The following OPCML variants were observed in gnomAD, a reference collection of about 807,000 sequenced individuals.
OPCML encodes opioid-binding protein/cell adhesion molecule.
Under a neutral mutation model 37.8 loss-of-function variants are expected in OPCML, and 13 were observed. The ratio of observed to expected loss-of-function variants is 0.34; its 90% CI spans 0.22 to 0.55. The LOEUF (loss-of-function observed/expected upper bound fraction) is 0.55, where lower values mean the gene tolerates loss of function less well. Ranked by LOEUF, OPCML falls within the 20% of genes least tolerant of loss-of-function variation. OPCML has a pLI of 0.91. For missense variants in OPCML, 341 were observed against 435.6 expected (o/e 0.78, Z 1.93); for synonymous variants, 176 against 168.8 (o/e 1.04, Z -0.33).
chr11:132,821,217 A>AGCTG (rs1168902277), intron 2 of OPCML, among the ~76,000 whole-genome samples: 1 of 152,232 alleles, frequency 6.6e-6, no homozygotes, highest in Non-Finnish European at 1.5e-5. Flanking sequence ...TTCTCCTGCT[A>AGCTG]GCTGAGATAA....
rs894967169 is a variant in OPCML at position 133,205,679 on chromosome 11, G to A, written c.62-262669C>T. Among the ~76,000 whole-genome samples the A allele has an allele frequency of 2.0e-5, 3 of 152,228 alleles. No homozygotes were observed. The highest frequency in any genetic ancestry group is 6.5e-5 in the Admixed American group (1 of 15,286). ...TGATGTCAGAAGTGTTGCGTTGCGT[G>A]AGACAAGAGAGTAGGAAAAACATTT... On this transcript the variant is annotated intron_variant, in intron 1 of 7. Transcript: ENST00000524381. This position sits in a 1 kb window ranked among gnomAD's most constrained non-coding sequence, Gnocchi z 4.8.
intron 1 of OPCML, among the ~76,000 whole-genome samples, chr11:133,238,426 A>G (rs1940605344): frequency 6.6e-6 from 1 of 152,280 alleles, no homozygotes; most frequent in Non-Finnish European, 1.5e-5. Context: ...TATTACAATT[A>G]TAATGTCTCA....
chr11:132,556,154 G>T (rs1228512512), intron 3 of OPCML, among the ~76,000 whole-genome samples: 5 of 151,958 alleles, frequency 3.3e-5, no homozygotes, highest in Admixed American at 2.0e-4. Context: ...TGTTGCCCAG[G>T]CTGGTCTCAA....
intron 2 of OPCML, among the ~76,000 whole-genome samples, chr11:132,749,685 AAG>A (rs1945765297): frequency 6.6e-6 from 1 of 152,174 alleles, no homozygotes; most frequent in Non-Finnish European, 1.5e-5. Flanking sequence ...ACAGAGAACT[AAG>A]AGATTCAGAA....
chr11:132,956,479 G>A (rs947443585), intron 1 of OPCML, among the ~76,000 whole-genome samples: 1 of 152,160 alleles, frequency 6.6e-6, no homozygotes, highest in Non-Finnish European at 1.5e-5. Context: ...TCTCTCATAT[G>A]CTCTTGTGTT....
intron 2 of OPCML, among the ~76,000 whole-genome samples, chr11:132,681,200 T>A (rs1453780030): frequency 6.6e-6 from 1 of 152,232 alleles, no homozygotes; most frequent in Non-Finnish European, 1.5e-5. Flanking sequence ...GTGCGGTCCC[T>A]GGCAAGGGCC....
chr11:133,088,040 GAAAT>G (rs1304570115), intron 1 of OPCML, among the ~76,000 whole-genome samples: 1 of 152,154 alleles, frequency 6.6e-6, no homozygotes, highest in Admixed American at 6.6e-5. Flanking sequence ...GTAAGGGTGA[GAAAT>G]AAAATACAAC....
chr11:133,352,324 A>G (rs1026246791), intron 1 of OPCML, among the ~76,000 whole-genome samples: 1 of 152,182 alleles, frequency 6.6e-6, no homozygotes. Flanking sequence ...TGAAGCAAGC[A>G]GTGCTTGCTG....
Position 133,212,123 on chromosome 11 carries a change from G to C in OPCML, c.62-269113C>G, listed in dbSNP as rs540355294. On this transcript the variant is annotated intron_variant, in intron 1 of 7. Coordinates refer to ENST00000524381, the MANE Select transcript of OPCML (RefSeq NM_001012393.5). This position sits in a 1 kb window ranked among gnomAD's most constrained non-coding sequence, Gnocchi z 4.9. ...GGTGGGGGGTCAGGATCCTTCACCTGCTGGAACCTGAGCATGAAAGTACCC... is the reference window on the plus strand; with the variant it reads ...GGTGGGGGGTCAGGATCCTTCACCTCCTGGAACCTGAGCATGAAAGTACCC... 1.3e-5 allele frequency among the ~76,000 whole-genome samples: 2 copies of C among 152,192 alleles called. No homozygotes were observed. Among genetic ancestry groups the C allele is most frequent in the Admixed American group, 1.3e-4 (2 of 15,286 alleles).
At chr11:132,499,344 G>T (rs1008302535) in intron 4 of OPCML, among the ~76,000 whole-genome samples, 3 of 152,178 alleles carry the variant, frequency 2.0e-5, no homozygotes. Context: ...TGCCTGTTAC[G>T]CTGCCTCCCT....
At chr11:133,316,780 A>T (rs1218275471) in intron 1 of OPCML, among the ~76,000 whole-genome samples, 1 of 152,224 alleles carries the variant, frequency 6.6e-6, no homozygotes, top group Non-Finnish European at 1.5e-5. Context: ...ATTCAGCACT[A>T]GTGAAATATG....
intron 1 of OPCML, chr11:133,004,155 A>T: frequency 2.0e-6 from 2 of 985,356 alleles, no homozygotes; most frequent in Non-Finnish European, 2.4e-6. Flanking sequence ...CAGCCCAGAG[A>T]GTGGGTCTCA....
chr11:132,570,012 G>A (rs909572815), intron 3 of OPCML, among the ~76,000 whole-genome samples: 24 of 150,098 alleles, frequency 1.6e-4, no homozygotes, highest in African/African-American at 5.9e-4. Context: ...CAGTAGCAGA[G>A]GTGAAAGAAG....
At chr11:133,342,647 G>C (rs1943899414) in intron 1 of OPCML, among the ~76,000 whole-genome samples, 1 of 152,194 alleles carries the variant, frequency 6.6e-6, no homozygotes. Context: ...AGGGCGAAGA[G>C]TGGCAGTCTA....
chr11:133,289,101 G>A (rs1048806343), intron 1 of OPCML, among the ~76,000 whole-genome samples: 1 of 152,186 alleles, frequency 6.6e-6, no homozygotes, highest in South Asian at 2.1e-4. Context: ...AGAATTATCC[G>A]AGGATTAGAT....
intron 2 of OPCML, among the ~76,000 whole-genome samples, chr11:132,799,713 T>A (rs1324865087): frequency 2.6e-5 from 4 of 151,218 alleles, no homozygotes; most frequent in African/African-American, 9.7e-5. Context: ...CAATGCAGGG[T>A]TGCCACAGAT....
chr11:133,508,924 C>T (rs1035552157), intron 1 of OPCML, among the ~76,000 whole-genome samples: 4 of 152,110 alleles, frequency 2.6e-5, no homozygotes, highest in African/African-American at 7.2e-5. Context: ...TCCCAACGTG[C>T]CACTCCTAAC....
At chr11:133,250,930 A>G (rs1045805825) in intron 1 of OPCML, among the ~76,000 whole-genome samples, 3 of 152,098 alleles carry the variant, frequency 2.0e-5, no homozygotes, top group East Asian at 3.9e-4. Flanking sequence ...TGCACCTGCC[A>G]GCACACTGCC....
intron 1 of OPCML, among the ~76,000 whole-genome samples, chr11:133,279,680 C>T (rs1479844061): frequency 6.6e-6 from 1 of 152,138 alleles, no homozygotes; most frequent in Non-Finnish European, 1.5e-5. Flanking sequence ...CCTGGCCATC[C>T]ACCTCTTCAG....
Sources: gnomAD v4.1 joint callset for allele counts (sites outside exome capture counted in the v4.1 genomes callset) on GRCh38, gnomAD v4.1.1 for gene constraint, Gnocchi (gnomAD v3.1) non-coding constraint, MANE v1.5 for transcripts, NCBI Gene and HGNC (gene_info 2026-07-23, HGNC 2026-07-21) for gene names.